Variants in TNFRSF8 observed in about 807,000 individuals in gnomAD.
The protein encoded by TNFRSF8 is tumor necrosis factor receptor superfamily member 8.
Under a neutral mutation model 70.8 loss-of-function variants are expected in TNFRSF8, and 26 were observed. The observed-to-expected ratio is 0.37, with a 90% CI of 0.27 to 0.51. The LOEUF is 0.51. Among genes scored for constraint, TNFRSF8 ranks in the 20% least tolerant of loss-of-function variants. TNFRSF8 has a pLI of 0.94. For synonymous variants in TNFRSF8, 356 were observed against 339.2 expected (o/e 1.05, Z -0.54); for missense variants, 720 against 807.9 (o/e 0.89, Z 1.32).
intron 2 of TNFRSF8, among the ~76,000 whole-genome samples, chr1:12,090,573 C>A (rs1042317754): frequency 2.6e-5 from 4 of 151,702 alleles, no homozygotes; most frequent in African/African-American, 9.7e-5. Context: ...CTCACTCATC[C>A]ATCCATCCAC....
intron 1 of TNFRSF8, among the ~76,000 whole-genome samples, chr1:12,073,135 T>C (rs1640876153): frequency 6.6e-6 from 1 of 152,192 alleles, no homozygotes; most frequent in South Asian, 2.1e-4. Flanking sequence ...GGTACACACC[T>C]GTGGTCCCAG....
intron 12 of TNFRSF8, among the ~76,000 whole-genome samples, chr1:12,130,746 A>C (rs1642033375): frequency 6.6e-6 from 1 of 152,272 alleles, no homozygotes; most frequent in Non-Finnish European, 1.5e-5. Context: ...GCTGCCCAGC[A>C]TGGTCCTGGA....
Position 12,141,998 on chromosome 1 carries a change from G to A in TNFRSF8, c.1544-289G>A, listed in dbSNP as rs1315566939. 6.6e-6 allele frequency among the ~76,000 whole-genome samples: 1 copy of A among 152,178 alleles called. No individual in the cohort carries two copies. Among genetic ancestry groups the A allele is most frequent in the African/African-American group, 2.4e-5 (1 of 41,436 alleles). On this transcript the variant is annotated intron_variant, in intron 14 of 14. Transcript: ENST00000263932. The surrounding 1 kb of genome is among the most constrained non-coding windows in gnomAD (Gnocchi z 5.4). The stretch of plus-strand genomic sequence containing the variant: ...CTTTGCCTGTTTTTGTCCACAGTTT[G>A]CTTTCTGTCCCACCCTGTCCTCTTC...
At chr1:12,105,934 C>T (rs1279048290) in intron 4 of TNFRSF8, among the ~76,000 whole-genome samples, 3 of 138,122 alleles carry the variant, frequency 2.2e-5, no homozygotes, top group Admixed American at 7.4e-5. Context: ...AGCAAGACTC[C>T]GTCTCAAAAA....
In TNFRSF8 at chr1:12,069,117, C is replaced by T. The variant is rs192358168; in HGVS notation, c.63+5456C>T. ...CTAACTCCTGACCTCGTGATCCACCCGCCTCGGCCTTTCAAAGTGCTGGGA... is the reference window on the plus strand; with the variant it reads ...CTAACTCCTGACCTCGTGATCCACCTGCCTCGGCCTTTCAAAGTGCTGGGA... On this transcript the variant is annotated intron_variant, in intron 1 of 14. Transcript: ENST00000263932. Among the ~76,000 whole-genome samples, 438 of 149,996 alleles carry T rather than the reference C, an allele frequency of 2.9e-3. 1 individual carries two copies. Among genetic ancestry groups the T allele is most frequent in the African/African-American group, 0.01 (419 of 40,712 alleles).
At chr1:12,105,992 G>A (rs1324067307) in intron 4 of TNFRSF8, among the ~76,000 whole-genome samples, 1 of 151,040 alleles carries the variant, frequency 6.6e-6, no homozygotes, top group Non-Finnish European at 1.5e-5. Flanking sequence ...GTGTCCTTCA[G>A]GTCCCAAGGC....
chr1:12,114,059 T>C (rs2101010993), intron 7 of TNFRSF8, among the ~76,000 whole-genome samples: 1 of 152,194 alleles, frequency 6.6e-6, no homozygotes, highest in Non-Finnish European at 1.5e-5. Context: ...CCTTCAGCTC[T>C]CCTAACTGAA....
chr1:12,074,172 G>A (rs556300192), intron 1 of TNFRSF8, among the ~76,000 whole-genome samples: 37 of 148,140 alleles, frequency 2.5e-4, no homozygotes, highest in South Asian at 2.5e-3. Context: ...TTGCTAAAAC[G>A]GACTCGCTCT....
At chr1:12,077,668 T>A (rs904770463) in intron 1 of TNFRSF8, among the ~76,000 whole-genome samples, 2 of 152,168 alleles carry the variant, frequency 1.3e-5, no homozygotes, top group Non-Finnish European at 2.9e-5. Flanking sequence ...GTGGCACTCA[T>A]GAGTGAGGTC....
intron 2 of TNFRSF8, among the ~76,000 whole-genome samples, chr1:12,095,869 A>G (rs1207632160): frequency 6.6e-6 from 1 of 152,204 alleles, no homozygotes; most frequent in Non-Finnish European, 1.5e-5. Flanking sequence ...TGTCCTCAGG[A>G]GCCCATTTCT....
rs1226220170 is a variant in TNFRSF8 at position 12,115,728 on chromosome 1, G to A, written c.945G>A (p.Gln315=). 3.7e-6 allele frequency: 6 copies of A among 1,613,824 alleles called. No homozygotes were observed. Among genetic ancestry groups the A allele is most frequent in the Admixed American group, 3.3e-5 (2 of 59,972 alleles). The part of the protein sequence containing the change: ...ICAAETVTKP[Q]DMAEKDTTFE... ...CAGCAGAGACGGTCACCAAGCCCCA[G>A]GGTAAGCAGTTCCCACCCCAGGCCT... Residue 315 remains glutamine (Q), a splice_region_variant and synonymous_variant, in exon 8 of 15, where the codon CAG becomes CAA. Coordinates refer to ENST00000263932, the MANE Select transcript of TNFRSF8 (RefSeq NM_001243.5).
rs767157710 is a variant in TNFRSF8 at position 12,112,392 on chromosome 1, C to CT, written c.793+391dup. On this transcript the variant is annotated intron_variant, in intron 7 of 14. Coordinates refer to ENST00000263932, the MANE Select transcript of TNFRSF8 (RefSeq NM_001243.5). This position sits in a 1 kb window ranked among gnomAD's most constrained non-coding sequence, Gnocchi z 5.3. ...TCGCTGCCCCTATGAGCCACTTATT[C>CT]TTTTTTTTTTTTTCCCAGACAGGGT... Among the ~76,000 whole-genome samples, 1,624 of 144,598 alleles carry CT rather than the reference C, an allele frequency of 0.011. 8 individuals are homozygous for CT. Among genetic ancestry groups the CT allele is most frequent in the African/African-American group, 0.024 (931 of 39,612 alleles). The allele number at this position is 144,598 out of a possible 152,430, so 94.9% of individuals were successfully genotyped here.
intron 8 of TNFRSF8, among the ~76,000 whole-genome samples, chr1:12,117,352 G>A (rs562966222): frequency 1.3e-5 from 2 of 152,226 alleles, no homozygotes; most frequent in African/African-American, 4.8e-5. Flanking sequence ...CAAAGTGCTG[G>A]GATTACAGGT....
At chr1:12,079,137 A>G (rs1368498894) in intron 1 of TNFRSF8, among the ~76,000 whole-genome samples, 3 of 152,214 alleles carry the variant, frequency 2.0e-5, no homozygotes, top group African/African-American at 4.8e-5. Flanking sequence ...CTCGTCTCCC[A>G]CAGGTATGGT....
At chr1:12,082,413 G>T (rs2100964698) in intron 1 of TNFRSF8, among the ~76,000 whole-genome samples, 1 of 152,050 alleles carries the variant, frequency 6.6e-6, no homozygotes, top group African/African-American at 2.4e-5. Flanking sequence ...GGGTGTGGGG[G>T]TGCATGCCTG....
intron 10 of TNFRSF8, 52 bp from the exon 11 acceptor site, chr1:12,125,892 TGGGGCTG>T: frequency 7.3e-7 from 1 of 1,369,758 alleles, no homozygotes; most frequent in Non-Finnish European, 1.0e-6. Context: ...CGTCTGGGGC[TGGGGCTG>T]TCTTGTGTGG....
chr1:12,107,924 T>TG (rs1641555223), intron 4 of TNFRSF8, among the ~76,000 whole-genome samples: 3 of 152,038 alleles, frequency 2.0e-5, no homozygotes, highest in Admixed American at 2.0e-4. Context: ...GGTCCGGAGA[T>TG]GGGAGGTAAA....
chr1:12,092,107 C>T (rs2100978963), intron 2 of TNFRSF8, among the ~76,000 whole-genome samples: 1 of 152,300 alleles, frequency 6.6e-6, no homozygotes. Context: ...CTTCACATGG[C>T]ATTCTCCCTG....
intron 3 of TNFRSF8, among the ~76,000 whole-genome samples, chr1:12,103,133 G>A (rs981870666): frequency 3.9e-5 from 6 of 152,028 alleles, no homozygotes; most frequent in African/African-American, 1.4e-4. Context: ...GGAGGCCGAG[G>A]CGGGTGGATC....
Sources: gnomAD v4.1 joint callset for allele counts (sites outside exome capture counted in the v4.1 genomes callset) on GRCh38, gnomAD v4.1.1 for gene constraint, Gnocchi (gnomAD v3.1) non-coding constraint, MANE v1.5 for transcripts, NCBI Gene and HGNC (gene_info 2026-07-23, HGNC 2026-07-21) for gene names.